Variants in BBS9 observed in about 807,000 individuals in gnomAD.
BBS9 encodes the protein Bardet-Biedl syndrome 9, also known as protein PTHB1.
In BBS9, 89 loss-of-function variants were observed where a neutral mutation model predicts 117.7. The observed-to-expected ratio is 0.76, with a 90% confidence interval of 0.64 to 0.90. The LOEUF is 0.90. Ranked by LOEUF, BBS9 falls within the 40% of genes least tolerant of loss-of-function variation. The probability of loss-of-function intolerance (pLI) is 0.00; values close to 1 mark genes in which losing one functional copy is unlikely to be tolerated. For synonymous variants in BBS9, 379 were observed against 370.9 expected (o/e 1.02, Z -0.25); for missense variants, 982 against 1,042.2 (o/e 0.94, Z 0.80).
At chr7:33,630,060 T>A (rs1159803165) in intron 21 of BBS9, among the ~76,000 whole-genome samples, 1 of 152,236 alleles carries the variant, frequency 6.6e-6, no homozygotes, top group Non-Finnish European at 1.5e-5. Flanking sequence ...ATTTACATTT[T>A]TTTTTGTAAT....
At chr7:33,501,400 G>T (rs1845422793) in intron 19 of BBS9, among the ~76,000 whole-genome samples, 1 of 152,142 alleles carries the variant, frequency 6.6e-6, no homozygotes, top group African/African-American at 2.4e-5. Context: ...ATAAGGAATT[G>T]TTTATCCCAT....
At chr7:33,257,864 A>T (rs917458025) in intron 6 of BBS9, among the ~76,000 whole-genome samples, 1 of 152,238 alleles carries the variant, frequency 6.6e-6, no homozygotes, top group African/African-American at 2.4e-5. Context: ...AGAAAAAAGA[A>T]TATGTGTGAT....
chr7:33,182,422 AG>A (rs1212591419), intron 5 of BBS9, among the ~76,000 whole-genome samples: 1 of 152,198 alleles, frequency 6.6e-6, no homozygotes, highest in East Asian at 1.9e-4. Flanking sequence ...ACATGTCCCC[AG>A]GCCTTACTTA....
intron 9 of BBS9, among the ~76,000 whole-genome samples, chr7:33,291,593 T>A (rs1250198517): frequency 1.3e-5 from 2 of 152,206 alleles, no homozygotes; most frequent in Non-Finnish European, 2.9e-5. Context: ...AATATTAAAA[T>A]GGATTAATGA....
chr7:33,256,155 TAAAAACAAACAAA>T (rs58367009), intron 5 of BBS9, among the ~76,000 whole-genome samples: 21,788 of 150,994 alleles, frequency 0.14, 1,811 homozygotes, highest in Non-Finnish European at 0.18. Flanking sequence ...CTGTCTCAAA[TAAAAACAAACAAA>T]AAAAACAAAC....
At chr7:33,598,012 G>A (rs565758963) in intron 21 of BBS9, among the ~76,000 whole-genome samples, 1 of 152,054 alleles carries the variant, frequency 6.6e-6, no homozygotes, top group Admixed American at 6.6e-5. Context: ...CTTTAAAGAT[G>A]GGGCAACTGA....
chr7:33,475,788 A>G (rs10235388), intron 19 of BBS9, among the ~76,000 whole-genome samples: 30,565 of 152,106 alleles, frequency 0.2, 3,904 homozygotes, highest in Admixed American at 0.36. Flanking sequence ...TATGATGTAA[A>G]GAAAGAGCGA....
intron 1 of BBS9, among the ~76,000 whole-genome samples, chr7:33,142,563 G>A (rs79025935): frequency 7.2e-4 from 110 of 152,218 alleles, no homozygotes; most frequent in African/African-American, 2.5e-3. Flanking sequence ...CTCATCTTGC[G>A]AAGTCAACAC....
chr7:33,394,419 A>AG (rs763891928), intron 19 of BBS9, among the ~76,000 whole-genome samples: 4 of 152,076 alleles, frequency 2.6e-5, no homozygotes, highest in Non-Finnish European at 5.9e-5. Flanking sequence ...GGGTAGGAGG[A>AG]GGGGAGGATC....
chr7:33,560,623 A>G (rs1225960500), intron 21 of BBS9, among the ~76,000 whole-genome samples: 1 of 152,120 alleles, frequency 6.6e-6, no homozygotes, highest in Non-Finnish European at 1.5e-5. Context: ...TACCAAGGAG[A>G]TGGTCTGTCT....
chr7:33,441,764 A>G (rs1381645149), intron 19 of BBS9, among the ~76,000 whole-genome samples: 1 of 152,218 alleles, frequency 6.6e-6, no homozygotes, highest in African/African-American at 2.4e-5. Flanking sequence ...CTAAGAATCC[A>G]TTATGAGGAC....
In BBS9 at chr7:33,561,818, T is replaced by A. The variant is rs116098609; in HGVS notation, c.2521+27642T>A. 4.7e-3 allele frequency among the ~76,000 whole-genome samples: 722 copies of A among 152,310 alleles called. 5 individuals carry two copies. Among genetic ancestry groups the A allele is most frequent in the African/African-American group, 0.015 (623 of 41,572 alleles). On this transcript the variant is annotated intron_variant, in intron 21 of 22. Coordinates refer to ENST00000242067, the MANE Select transcript of BBS9 (RefSeq NM_198428.3). The stretch of plus-strand genomic sequence containing the variant: ...GATTTCTTATTAAAATTAAACCAGC[T>A]GAAAATTCCAGAATAAGAACAGTGA...
chr7:33,627,288 G>A (rs1221379957), intron 21 of BBS9, among the ~76,000 whole-genome samples: 1 of 152,224 alleles, frequency 6.6e-6, no homozygotes, highest in Admixed American at 6.5e-5. Context: ...TGCATAAAGG[G>A]CAAGAGTTGA....
At chr7:33,377,833 A>C (rs1824177514) in intron 17 of BBS9, among the ~76,000 whole-genome samples, 1 of 152,124 alleles carries the variant, frequency 6.6e-6, no homozygotes, top group Non-Finnish European at 1.5e-5. Context: ...TTTATGTACA[A>C]AATCATTAGG....
intron 21 of BBS9, among the ~76,000 whole-genome samples, chr7:33,543,246 A>G (rs969718529): frequency 6.7e-6 from 1 of 150,248 alleles, no homozygotes; most frequent in African/African-American, 2.4e-5. Context: ...TTTGTTGGCC[A>G]TTTGTATATC....
At chr7:33,180,268 G>T (rs185495411) in intron 5 of BBS9, among the ~76,000 whole-genome samples, 22 of 152,186 alleles carry the variant, frequency 1.4e-4, no homozygotes, top group Admixed American at 7.8e-4. Flanking sequence ...TCAGGAATAA[G>T]AATCCCTTCC....
intron 19 of BBS9, among the ~76,000 whole-genome samples, chr7:33,434,165 G>A (rs1834940197): frequency 6.6e-6 from 1 of 150,594 alleles, no homozygotes; most frequent in Non-Finnish European, 1.5e-5. Context: ...TATTTCCATA[G>A]GATAGATTTC....
At position 33,230,063 on chromosome 7, in the gene BBS9, A is replaced by G. The variant is rs148748268; in HGVS notation, c.443-27173A>G. ...TTGGCCATTTGTATGTCTTCTTTGG[A>G]GAAATGTCTATTTATGTCTTTTGCC... On this transcript the variant is annotated intron_variant, in intron 5 of 22. Coordinates refer to ENST00000242067, the MANE Select transcript of BBS9 (RefSeq NM_198428.3). Among the ~76,000 whole-genome samples the G allele has an allele frequency of 3.0e-4, 45 of 152,272 alleles. No homozygotes were observed. The East Asian group carries it at 8.1e-3, about 27-fold the overall frequency.
At chr7:33,562,126 T>G (rs1458085905) in intron 21 of BBS9, among the ~76,000 whole-genome samples, 1 of 152,232 alleles carries the variant, frequency 6.6e-6, no homozygotes, top group Non-Finnish European at 1.5e-5. Context: ...AAGATTGTAT[T>G]AATGATACTC....
Sources: gnomAD v4.1 joint callset for allele counts (sites outside exome capture counted in the v4.1 genomes callset) on GRCh38, gnomAD v4.1.1 for gene constraint, MANE v1.5 for transcripts, NCBI Gene and HGNC (gene_info 2026-07-23, HGNC 2026-07-21) for gene names.